Variants in NOS2 observed in about 807,000 individuals in gnomAD.
The protein encoded by NOS2 is nitric oxide synthase, inducible.
In NOS2, 96 loss-of-function variants were observed where a neutral mutation model predicts 136.0. The ratio of observed to expected loss-of-function variants is 0.71; its 90% CI spans 0.60 to 0.84. NOS2 has a LOEUF of 0.84. Among genes scored for constraint, NOS2 ranks in the 40% least tolerant of loss-of-function variants. The pLI, the probability that NOS2 is intolerant of heterozygous loss-of-function variation, is 0.00. For missense variants in NOS2, 1,237 were observed against 1,496.9 expected (o/e 0.83, Z 2.87); for synonymous variants, 539 against 587.5 (o/e 0.92, Z 1.20).
chr17:27,775,286 C>T (rs1412469087), intron 11 of NOS2, among the ~76,000 whole-genome samples: 1 of 151,928 alleles, frequency 6.6e-6, no homozygotes, highest in Non-Finnish European at 1.5e-5. Flanking sequence ...ATGGTGAGAC[C>T]CTGTCTCTAT....
chr17:27,793,363 C>T (rs1477209819), intron 2 of NOS2, among the ~76,000 whole-genome samples: 1 of 152,230 alleles, frequency 6.6e-6, no homozygotes, highest in Non-Finnish European at 1.5e-5. Context: ...ACTGAACCCG[C>T]ATAGACGCCT....
rs372850798 is a variant in NOS2, at chr17:27,782,959, C to T, written c.615G>A (p.Gln205=). 1.2e-6 allele frequency: 2 copies of T among 1,614,030 alleles called. No individual in the cohort carries two copies. The highest frequency in any genetic ancestry group is 1.3e-5 in the African/African-American group (1 of 74,944). ...GGAAGTTCACCTGCAGGTTGGACCA[C>T]TGGATCCTCCCAATGCAGCGTGGGG... ...RNAPRCIGRI[Q]WSNLQVFDAR... Residue 205 remains glutamine (Q), a synonymous_variant, in exon 6 of 27, where the codon CAG becomes CAA. Transcript: ENST00000313735.
At chr17:27,771,439 C>G (rs1908491789) in intron 14 of NOS2, among the ~76,000 whole-genome samples, 1 of 152,222 alleles carries the variant, frequency 6.6e-6, no homozygotes, top group Non-Finnish European at 1.5e-5. Context: ...CCAGGCCCAC[C>G]CAGCGGAGGA....
chr17:27,776,889 T>C (rs764793718), intron 11 of NOS2, among the ~76,000 whole-genome samples: 30 of 152,046 alleles, frequency 2.0e-4, no homozygotes, highest in Admixed American at 1.3e-4. Context: ...GGGCCCATCT[T>C]TTGAAGTTTA....
At chr17:27,782,197 G>A in intron 6 of NOS2, 91 bp from the exon 7 acceptor site, 1 of 1,094,776 alleles carries the variant, frequency 9.1e-7, no homozygotes, top group Non-Finnish European at 1.4e-6. Context: ...CAATAGTGCA[G>A]CCGAAACACT....
chr17:27,772,062 T>C (rs1378619499), intron 14 of NOS2, among the ~76,000 whole-genome samples: 5 of 152,254 alleles, frequency 3.3e-5, no homozygotes, highest in Admixed American at 3.3e-4. Flanking sequence ...CTGATGTATG[T>C]TGAGGCCTGG....
chr17:27,783,180 G>C (rs550949130), intron 5 of NOS2, 74 bp from the exon 6 acceptor site: 8 of 1,514,860 alleles, frequency 5.3e-6, no homozygotes, highest in Non-Finnish European at 7.3e-6. Context: ...ATCCACAGAA[G>C]CAGGAACTGA....
At chr17:27,761,918 G>C (rs1397491500) in intron 22 of NOS2, among the ~76,000 whole-genome samples, 1 of 152,170 alleles carries the variant, frequency 6.6e-6, no homozygotes, top group African/African-American at 2.4e-5. Context: ...CTCCTCTCCT[G>C]GTCTGGGTGG....
chr17:27,767,561 C>T lies in NOS2; in HGVS notation c.2167+144G>A, dbSNP rs146489300. On this transcript the variant is annotated intron_variant, in intron 18 of 26. Coordinates refer to ENST00000313735, the MANE Select transcript of NOS2 (RefSeq NM_000625.4). ...TCCCTCAGCACCTTGAGTATTATGC[C>T]CTAACAGGCTCTTGCATGCAGTGAG... 116 of 954,700 alleles carry T rather than the reference C, an allele frequency of 1.2e-4. 2 individuals are homozygous for T. In the East Asian group the frequency reaches 2.4e-3, roughly 20 times the overall value. 59.1% of individuals were successfully genotyped at this position (954,700 alleles called of 1,614,324 possible).
intron 9 of NOS2, 88 bp downstream of exon 9, chr17:27,780,679 G>A (rs1213463043): frequency 4.5e-6 from 7 of 1,558,936 alleles, no homozygotes; most frequent in Non-Finnish European, 6.2e-6. Context: ...CTTTAGGGAA[G>A]GTATGGGGAA....
rs1358794944 is a variant in NOS2, at chr17:27,787,695, A to C, written c.450T>G (p.Tyr150Ter). 3 of 1,613,220 alleles carry C rather than the reference A, an allele frequency of 1.9e-6. No homozygotes were observed. The highest frequency in any genetic ancestry group is 2.5e-6 in the Non-Finnish European group (3 of 1,179,676). Residue 150 changes from tyrosine (Y) to a stop codon, truncating the protein, a stop_gained, in exon 5 of 27, where the codon TAT becomes TAG. Transcript: ENST00000313735. LOFTEE classifies it high-confidence loss of function. ...AGCCTTACTCTTTGAAGGAGCCGTA[A>C]TATTGGTTGACAAATTCGATAGCTT... ...LPQAIEFVNQ[Y>*]YGSFKEAKIE...
Position 27,772,459 on chromosome 17 carries a change from G to GGACA in NOS2, c.1560-11_1560-8dup, listed in dbSNP as rs535111297. The GGACA allele has an allele frequency of 3.1e-6, 5 of 1,613,548 alleles. No individual in the cohort carries two copies. The highest frequency in any genetic ancestry group is 1.6e-4 in the Middle Eastern group (1 of 6,078). Reference sequence around the variant, plus strand: ...ACAGGCAAAGAGCACAGCTCTGTGGGGACAGACAGACAGGCAGGCGCTGTG... The same window carrying GGACA: ...ACAGGCAAAGAGCACAGCTCTGTGGGGACAGACAGACAGACAGGCAGGCGCTGTG... On this transcript the variant is annotated splice_region_variant and splice_polypyrimidine_tract_variant and intron_variant, in intron 13 of 26. Transcript: ENST00000313735.
intron 1 of NOS2, among the ~76,000 whole-genome samples, chr17:27,800,060 T>C (rs1240993990): frequency 6.6e-6 from 1 of 152,206 alleles, no homozygotes; most frequent in East Asian, 1.9e-4. Context: ...AGATAATCTC[T>C]GTTAAAAAAA....
At chr17:27,773,999 G>T (rs1215186285) in intron 12 of NOS2, among the ~76,000 whole-genome samples, 2 of 152,136 alleles carry the variant, frequency 1.3e-5, no homozygotes, top group Non-Finnish European at 2.9e-5. Flanking sequence ...GCCCTCCCGT[G>T]GAAGCAGGTG....
chr17:27,760,289 C>T (rs560089735), intron 24 of NOS2, 111 bp from the exon 25 acceptor site: 1 of 1,182,820 alleles, frequency 8.5e-7, no homozygotes, highest in South Asian at 1.5e-5. Flanking sequence ...TAGCATTATC[C>T]CCACTTTACA....
intron 2 of NOS2, among the ~76,000 whole-genome samples, chr17:27,795,989 G>A (rs1373798387): frequency 6.6e-6 from 1 of 152,174 alleles, no homozygotes; most frequent in East Asian, 1.9e-4. Context: ...TAGAGGGTGT[G>A]GGGATGAGGG....
intron 11 of NOS2, among the ~76,000 whole-genome samples, chr17:27,777,626 C>T (rs1255942269): frequency 6.6e-6 from 1 of 152,196 alleles, no homozygotes; most frequent in Non-Finnish European, 1.5e-5. Context: ...ATTCATTCTT[C>T]AAAGACAAAT....
At chr17:27,776,390 AG>A (rs1204074103) in intron 11 of NOS2, among the ~76,000 whole-genome samples, 1 of 152,158 alleles carries the variant, frequency 6.6e-6, no homozygotes, top group African/African-American at 2.4e-5. Flanking sequence ...TGGTAGCTAC[AG>A]GATGGGTGCA....
intron 4 of NOS2, among the ~76,000 whole-genome samples, chr17:27,788,407 C>A (rs1909089330): frequency 6.6e-6 from 1 of 152,186 alleles, no homozygotes; most frequent in African/African-American, 2.4e-5. Flanking sequence ...CAACCACTCA[C>A]AGGATACTTG....
Sources: gnomAD v4.1 joint callset for allele counts (sites outside exome capture counted in the v4.1 genomes callset) on GRCh38, gnomAD v4.1.1 for gene constraint, MANE v1.5 for transcripts, NCBI Gene and HGNC (gene_info 2026-07-23, HGNC 2026-07-21) for gene names.